ZNF765: variants seen among roughly 807,000 people sequenced by gnomAD.
ZNF765 encodes zinc finger protein 765.
Under a neutral mutation model 44.7 loss-of-function variants are expected in ZNF765, and 37 were observed. The observed-to-expected ratio is 0.83, with a 90% CI of 0.64 to 1.09. ZNF765 has a LOEUF of 1.09. Ranked by LOEUF, ZNF765 falls within the 50% of genes least tolerant of loss-of-function variation. ZNF765 has a pLI of 0.00. For missense variants in ZNF765, 594 were observed against 626.1 expected (o/e 0.95, Z 0.55); for synonymous variants, 201 against 213.7 (o/e 0.94, Z 0.52).
intron 1 of ZNF765, 60 bp from the exon 2 acceptor site, chr19:53,397,883 G>A: frequency 1.4e-6 from 2 of 1,426,530 alleles, no homozygotes; most frequent in Non-Finnish European, 1.9e-6. Flanking sequence ...ATGTGTTGTT[G>A]TGTTACAGGG....
At position 53,409,353 on chromosome 19, in the gene ZNF765, A is replaced by G; in HGVS notation, c.*226A>G. On this transcript the variant is annotated 3_prime_UTR_variant, in exon 4 of 4. Transcript: ENST00000396408. ...TTTTGTGTACCATCATAAACTTCAT[A>G]GTGGAGAGACCTTACAAATGTGAAG... 1.2e-6 allele frequency: 1 copy of G among 835,984 alleles called. No individual in the cohort carries two copies. Among genetic ancestry groups the G allele is most frequent in the Non-Finnish European group, 2.1e-6 (1 of 479,500 alleles). The allele number at this position is 835,984 out of a possible 1,614,324, so 51.8% of individuals were successfully genotyped here. A position where few individuals can be genotyped will look rare whatever the true frequency, so the allele number is the denominator to read the frequency against.
downstream of ZNF765, among the ~76,000 whole-genome samples, chr19:53,414,330 T>C (rs1482251111): frequency 6.6e-6 from 1 of 150,410 alleles, no homozygotes; most frequent in African/African-American, 2.5e-5. Flanking sequence ...AGTTGCTACA[T>C]GGAGAGCAAT....
Position 53,408,198 on chromosome 19 carries a change from T to C in ZNF765, c.643T>C (p.Phe215Leu), listed in dbSNP as rs1193071955. 1 of 1,614,200 alleles carries C rather than the reference T, an allele frequency of 6.2e-7. No homozygotes were observed. Among genetic ancestry groups the C allele is most frequent in the Admixed American group, 1.7e-5 (1 of 60,028 alleles). The change falls in exon 4 of 4, where the codon TTC becomes CTC. Residue 215 changes from phenylalanine to leucine, a missense_variant. Physicochemically the swap from Phe to Leu is conservative, Grantham distance 22. Coordinates refer to ENST00000396408, the MANE Select transcript of ZNF765 (RefSeq NM_001040185.3). ...KQEVHMREKS[F>L]QCNDSGKAYN... ...GGAAGTACATATGAGGGAAAAATCTTTCCAATGCAATGACAGTGGCAAAGC... is the reference window on the plus strand; with the variant it reads ...GGAAGTACATATGAGGGAAAAATCTCTCCAATGCAATGACAGTGGCAAAGC...
intron 3 of ZNF765, among the ~76,000 whole-genome samples, chr19:53,404,966 C>A (rs1049943300): frequency 3.3e-5 from 5 of 152,144 alleles, no homozygotes; most frequent in African/African-American, 4.8e-5. Context: ...ACCTCTAATC[C>A]CAACAGTTTG....
chr19:53,404,693 C>T (rs1307511598), intron 3 of ZNF765, among the ~76,000 whole-genome samples: 3 of 151,976 alleles, frequency 2.0e-5, no homozygotes, highest in East Asian at 1.9e-4. Context: ...ATCTCCTGAC[C>T]TCGTGATCCT....
exon 4 of ZNF765, chr19:53,426,306 G>C (rs1374885099): frequency 6.6e-6 from 1 of 152,206 alleles, no homozygotes; most frequent in Non-Finnish European, 1.5e-5. Context: ...CTCAGACCTA[G>C]AGTGCAGGGA....
At position 53,398,050 on chromosome 19, in the gene ZNF765, G is replaced by C; in HGVS notation, c.15+20G>C. The C allele has an allele frequency of 6.2e-7, 1 of 1,612,956 alleles. No homozygotes were observed. Among genetic ancestry groups the C allele is most frequent in the South Asian group, 1.1e-5 (1 of 91,044 alleles). On this transcript the variant is annotated intron_variant, in intron 2 of 3. Coordinates refer to ENST00000396408, the MANE Select transcript of ZNF765 (RefSeq NM_001040185.3). Reference sequence around the variant, plus strand: ...CCTCAGGTGAGATGATATTCTTGGTGGATTGTTCTGTCTCCTTCTTTTCAG... The same window carrying C: ...CCTCAGGTGAGATGATATTCTTGGTCGATTGTTCTGTCTCCTTCTTTTCAG...
At position 53,411,820 on chromosome 19, in the gene ZNF765, A is replaced by T. The variant is rs1251550822; in HGVS notation, c.*2693A>T. 1 of 152,182 alleles carries T rather than the reference A, an allele frequency of 6.6e-6. No homozygotes were observed. Among genetic ancestry groups the T allele is most frequent in the Non-Finnish European group, 1.5e-5 (1 of 68,060 alleles). The allele number at this position is 152,182 out of a possible 1,614,324, so 9.4% of individuals were successfully genotyped here. ...CTCCAGCCAATGGAAGTGTTTTAAA[A>T]TTTTCTTTTAAAGTTGTTTGTTGTT... On this transcript the variant is annotated 3_prime_UTR_variant, in exon 4 of 4. Transcript: ENST00000396408.
chr19:53,400,484 C>G (rs1341613273), intron 2 of ZNF765, among the ~76,000 whole-genome samples: 1 of 151,444 alleles, frequency 6.6e-6, no homozygotes, highest in African/African-American at 2.4e-5. Flanking sequence ...TGACAAGATT[C>G]CCCCCTGTCC....
downstream of ZNF765, chr19:53,413,223 T>C: frequency 3.4e-6 from 2 of 591,580 alleles, no homozygotes; most frequent in South Asian, 2.7e-5. Context: ...GATTAAGCGA[T>C]TCCTGGCCAA....
intron 3 of ZNF765, among the ~76,000 whole-genome samples, chr19:53,418,091 A>G (rs1277203835): frequency 6.6e-6 from 1 of 152,214 alleles, no homozygotes; most frequent in Non-Finnish European, 1.5e-5. Flanking sequence ...TAACAGGGAA[A>G]TAAAAGTTTT....
At position 53,401,955 on chromosome 19, in the gene ZNF765, G is replaced by A. The variant is rs770096897; in HGVS notation, c.16-110G>A. 18 of 1,609,170 alleles carry A rather than the reference G, an allele frequency of 1.1e-5. No individual in the cohort carries two copies. The African/African-American group carries it at 2.0e-4, about 18-fold the overall frequency. On this transcript the variant is annotated intron_variant, in intron 2 of 3. Transcript: ENST00000396408. The stretch of plus-strand genomic sequence containing the variant: ...AAAAATCCCTTACTCAGATTTGTTA[G>A]AACATTCACTGCATTTAAATCCATG...
In ZNF765 at chr19:53,408,003, G is replaced by A; in HGVS notation, c.448G>A (p.Glu150Lys). Residue 150 changes from glutamate (E) to lysine (K), a missense_variant, in exon 4 of 4, where the codon GAA (glutamate) becomes AAA (lysine). By Grantham distance (56) the Glu-to-Lys change is moderately conservative. This residue lies in a region of ZNF765 where 567 missense variants were observed against 572.6 expected (regional missense o/e 0.99). Transcript: ENST00000396408. ...LGFSFHSHLP[E>K]LHIFHTEEKI... is the part of the protein sequence containing the mutation. ...ATTCAGCTTTCATTCGCATCTGCCTGAACTGCACATATTTCACACTGAAGA... is the reference window on the plus strand; with the variant it reads ...ATTCAGCTTTCATTCGCATCTGCCTAAACTGCACATATTTCACACTGAAGA... 1.2e-6 allele frequency: 2 copies of A among 1,614,176 alleles called. No individual in the cohort carries two copies. Among genetic ancestry groups the A allele is most frequent in the Non-Finnish European group, 8.5e-7 (1 of 1,180,032 alleles).
At chr19:53,416,474 T>G (rs2085875700), downstream of ZNF765, among the ~76,000 whole-genome samples, 1 of 152,134 alleles carries the variant, frequency 6.6e-6, no homozygotes, top group African/African-American at 2.4e-5. Context: ...CAAATTCCTT[T>G]TTGCAGGTAA....
In ZNF765 at chr19:53,410,966, C is replaced by A; in HGVS notation, c.*1839C>A. 2.7e-6 allele frequency: 1 copy of A among 375,736 alleles called. No individual in the cohort carries two copies. The allele number at this position is 375,736 out of a possible 1,614,324, so 23.3% of individuals were successfully genotyped here. ...CCAAAGTCTTCAGTCTGAGCTCACT[C>A]CTTGCAGGATATCAGAAAATTCATT... On this transcript the variant is annotated 3_prime_UTR_variant, in exon 4 of 4. Transcript: ENST00000396408.
chr19:53,405,925 AT>A (rs1388517789), intron 3 of ZNF765, among the ~76,000 whole-genome samples: 1 of 74,328 alleles, frequency 1.3e-5, no homozygotes, highest in Non-Finnish European at 2.6e-5. Context: ...ATATATATAT[AT>A]ATATATATAT....
rs1370593459 is a variant in ZNF765 at position 53,408,502 on chromosome 19, T to G, written c.947T>G (p.Ile316Arg). ...KAFHFKSKLQ[I>R]HRRIHTGEKP... ...TTCCATTTCAAATCAAAGCTTCAAA[T>G]ACATAGGAGAATTCATACTGGAGAG... Residue 316 changes from isoleucine to arginine, a missense_variant, in exon 4 of 4, where the codon ATA becomes AGA. By Grantham distance (97) the Ile-to-Arg change is moderately conservative. Coordinates refer to ENST00000396408, the MANE Select transcript of ZNF765 (RefSeq NM_001040185.3). 2 of 1,610,162 alleles carry G rather than the reference T, an allele frequency of 1.2e-6. No individual in the cohort carries two copies. Among genetic ancestry groups the G allele is most frequent in the Admixed American group, 3.3e-5 (2 of 59,734 alleles).
At chr19:53,400,748 T>C (rs918663764) in intron 2 of ZNF765, among the ~76,000 whole-genome samples, 25 of 86,846 alleles carry the variant, frequency 2.9e-4, no homozygotes, top group Admixed American at 2.5e-3. Context: ...CTGTGTAGGT[T>C]TCATTATTTG....
intron 2 of ZNF765, among the ~76,000 whole-genome samples, chr19:53,400,275 G>C (rs777963370): frequency 3.3e-5 from 5 of 152,190 alleles, no homozygotes; most frequent in African/African-American, 4.8e-5. Flanking sequence ...AACGTGGATA[G>C]CTTGCTCTTT....
Sources: gnomAD v4.1 joint callset for allele counts (sites outside exome capture counted in the v4.1 genomes callset) on GRCh38, gnomAD v4.1.1 for gene constraint, gnomAD v4.1.1 regional missense constraint, MANE v1.5 for transcripts, NCBI Gene and HGNC (gene_info 2026-07-23, HGNC 2026-07-21) for gene names.